Variants in LRP11 observed in about 807,000 individuals in gnomAD.
LRP11 encodes the protein LDL receptor related protein 11, also known as low-density lipoprotein receptor-related protein 11.
Under a neutral mutation model 43.1 loss-of-function variants are expected in LRP11, and 25 were observed. That is an observed-to-expected ratio of 0.58 (90% CI 0.42 to 0.81). The LOEUF (loss-of-function observed/expected upper bound fraction) is 0.81, where lower values mean the gene tolerates loss of function less well. Among genes scored for constraint, LRP11 ranks in the 30% least tolerant of loss-of-function variants. The probability of loss-of-function intolerance (pLI) is 0.00; values close to 1 mark genes in which losing one functional copy is unlikely to be tolerated. For synonymous variants in LRP11, 316 were observed against 299.4 expected (o/e 1.06, Z -0.57); for missense variants, 623 against 665.1 (o/e 0.94, Z 0.70).
chr6:149,861,635 G>A (rs551327147), intron 1 of LRP11, among the ~76,000 whole-genome samples: 1 of 152,168 alleles, frequency 6.6e-6, no homozygotes, highest in African/African-American at 2.4e-5. Context: ...TGCCTCAGCC[G>A]CCCGAGGAGC....
chr6:149,848,786 T>C (rs1013609325), intron 2 of LRP11, among the ~76,000 whole-genome samples: 3 of 152,062 alleles, frequency 2.0e-5, no homozygotes, highest in East Asian at 1.9e-4. Context: ...CTGGGTAATA[T>C]GCTTAATACC....
intron 1 of LRP11, among the ~76,000 whole-genome samples, chr6:149,858,713 T>C (rs1776840272): frequency 6.6e-6 from 1 of 152,226 alleles, no homozygotes. Context: ...TTGATATTTC[T>C]TCATATATCT....
At chr6:149,861,774 G>A (rs1583100721) in intron 1 of LRP11, among the ~76,000 whole-genome samples, 2 of 152,302 alleles carry the variant, frequency 1.3e-5, no homozygotes, top group Admixed American at 1.3e-4. Context: ...ACCCGCCTTG[G>A]CCTCCCAAAG....
At chr6:149,862,666 G>A (rs1324926059) in intron 1 of LRP11, among the ~76,000 whole-genome samples, 1 of 138,640 alleles carries the variant, frequency 7.2e-6, no homozygotes, top group Non-Finnish European at 1.5e-5. Context: ...TGCAACCTCC[G>A]CCTCCTAGGT....
At chr6:149,821,270 A>G (rs1776274921) in intron 6 of LRP11, among the ~76,000 whole-genome samples, 1 of 152,132 alleles carries the variant, frequency 6.6e-6, no homozygotes, top group Admixed American at 6.6e-5. Flanking sequence ...CCAGCTTCCT[A>G]CAAAATTTGT....
intron 1 of LRP11, among the ~76,000 whole-genome samples, chr6:149,855,875 GTTC>G (rs781596328): frequency 6.6e-6 from 1 of 152,142 alleles, no homozygotes; most frequent in African/African-American, 2.4e-5. Flanking sequence ...GAAGAAACTT[GTTC>G]TTCTGCCTTT....
intron 2 of LRP11, among the ~76,000 whole-genome samples, chr6:149,846,680 G>A (rs1290630221): frequency 2.6e-5 from 4 of 152,318 alleles, no homozygotes; most frequent in Admixed American, 2.6e-4. Flanking sequence ...GCTCACGCCT[G>A]TAATCTCACC....
intron 2 of LRP11, among the ~76,000 whole-genome samples, chr6:149,849,143 A>T (rs1482174292): frequency 6.6e-6 from 1 of 152,176 alleles, no homozygotes; most frequent in Non-Finnish European, 1.5e-5. Context: ...CATTTAGAAA[A>T]TTTTAAGCAA....
intron 2 of LRP11, among the ~76,000 whole-genome samples, chr6:149,844,168 G>C (rs964043322): frequency 6.6e-6 from 1 of 150,574 alleles, no homozygotes; most frequent in African/African-American, 2.5e-5. Context: ...CAGGAGAATC[G>C]CTTAAAACTG....
chr6:149,859,396 A>ATAT, intron 1 of LRP11, among the ~76,000 whole-genome samples: 4 of 71,496 alleles, frequency 5.6e-5, no homozygotes, highest in African/African-American at 8.2e-5. Context: ...ATATATATAT[A>ATAT]TTTTTTTTTT....
chr6:149,856,432 T>C (rs955665765), intron 1 of LRP11, among the ~76,000 whole-genome samples: 73 of 152,294 alleles, frequency 4.8e-4, no homozygotes, highest in African/African-American at 1.7e-3. Flanking sequence ...TCCAGGCCAT[T>C]TCCATTGTAA....
chr6:149,861,432 A>G (rs1210332325), intron 1 of LRP11, among the ~76,000 whole-genome samples: 3 of 152,152 alleles, frequency 2.0e-5, no homozygotes, highest in Non-Finnish European at 2.9e-5. Flanking sequence ...AACAATTCCT[A>G]GACAAACTCC....
intron 5 of LRP11, among the ~76,000 whole-genome samples, chr6:149,831,576 G>A (rs1451350554): frequency 6.6e-6 from 1 of 152,208 alleles, no homozygotes; most frequent in East Asian, 1.9e-4. Context: ...GCATGCATTC[G>A]CTGGTGTAAC....
chr6:149,852,587 C>T (rs1318255032), intron 2 of LRP11: 1 of 153,106 alleles, frequency 6.5e-6, no homozygotes, highest in Non-Finnish European at 1.5e-5. Context: ...CTTTCCGGCT[C>T]ATGTGAAGGA....
Position 149,852,724 on chromosome 6 carries a change from T to A in LRP11, c.771+279A>T, listed in dbSNP as rs201497022. ...TAATCTGAGTCATTAAAACAAAGCA[T>A]GAGCCTTCTTCCTTGAAGTGTCTTT... On this transcript the variant is annotated intron_variant, in intron 2 of 6. Coordinates refer to ENST00000239367, the MANE Select transcript of LRP11 (RefSeq NM_032832.6). Among the ~76,000 whole-genome samples, 65 of 152,360 alleles carry A rather than the reference T, an allele frequency of 4.3e-4. No homozygotes were observed. In the East Asian group the frequency reaches 0.012, roughly 28 times the overall value.
intron 5 of LRP11, among the ~76,000 whole-genome samples, chr6:149,828,224 T>C (rs986577575): frequency 6.6e-6 from 1 of 151,974 alleles, no homozygotes; most frequent in Non-Finnish European, 1.5e-5. Context: ...TATATGATTC[T>C]GGCCTAGGAA....
intron 1 of LRP11, among the ~76,000 whole-genome samples, chr6:149,857,761 T>C (rs1001649934): frequency 1.3e-5 from 2 of 152,184 alleles, no homozygotes; most frequent in Admixed American, 1.3e-4. Context: ...GGTCTTGTGT[T>C]TTATCCGCAC....
chr6:149,864,359 T>G lies in LRP11; in HGVS notation c.-339A>C. 3 of 994,926 alleles carry G rather than the reference T, an allele frequency of 3.0e-6. No homozygotes were observed. Among genetic ancestry groups the G allele is most frequent in the African/African-American group, 1.7e-5 (1 of 57,582 alleles). The allele number at this position is 994,926 out of a possible 1,614,324, so 61.6% of individuals were successfully genotyped here. On this transcript the variant is annotated 5_prime_UTR_variant, in exon 1 of 7. Coordinates refer to ENST00000239367, the MANE Select transcript of LRP11 (RefSeq NM_032832.6). ...ATCAGCACCAGGTGTGTGCGAACAG[T>G]GGCCGCGGCGGGGTGGAGCCTTGGT...
At chr6:149,849,441 A>G (rs545899645) in intron 2 of LRP11, among the ~76,000 whole-genome samples, 2 of 152,216 alleles carry the variant, frequency 1.3e-5, no homozygotes, top group Non-Finnish European at 2.9e-5. Context: ...GTTCTGACCA[A>G]TCATCCATTC....
Sources: allele counts gnomAD v4.1 joint callset (sites outside exome capture counted in the v4.1 genomes callset), GRCh38; gene constraint gnomAD v4.1.1; transcripts MANE v1.5; gene names NCBI Gene and HGNC (gene_info 2026-07-23, HGNC 2026-07-21).